PROS1: variants seen among roughly 807,000 people sequenced by gnomAD.
PROS1 encodes the protein protein S.
A neutral mutation model predicts 75.9 loss-of-function variants in PROS1; 29 were observed. The ratio of observed to expected loss-of-function variants is 0.38; its 90% confidence interval spans 0.28 to 0.52. PROS1 has a LOEUF of 0.52. PROS1 is among the 20% of genes least tolerant of loss of function. The probability of loss-of-function intolerance (pLI) is 0.83; values close to 1 mark genes in which losing one functional copy is unlikely to be tolerated. For synonymous variants in PROS1, 245 were observed against 280.6 expected (o/e 0.87, Z 1.27); for missense variants, 680 against 810.3 (o/e 0.84, Z 1.95).
intron 9 of PROS1, among the ~76,000 whole-genome samples, chr3:93,894,785 C>A (rs536669952): frequency 1.3e-5 from 2 of 152,188 alleles, no homozygotes; most frequent in Admixed American, 6.5e-5. Context: ...GTTGATCACA[C>A]AAGGGGCAGT....
intron 1 of PROS1, among the ~76,000 whole-genome samples, chr3:93,957,414 T>C (rs1311399519): frequency 1.3e-5 from 2 of 152,228 alleles, no homozygotes; most frequent in African/African-American, 4.8e-5. Context: ...AACATGGCTT[T>C]CTTGAATAGT....
chr3:93,960,835 A>G (rs913867105), intron 1 of PROS1, among the ~76,000 whole-genome samples: 2 of 151,806 alleles, frequency 1.3e-5, no homozygotes, highest in Non-Finnish European at 2.9e-5. Context: ...CTTTGTTAAT[A>G]ATAAAAATCA....
chr3:93,963,525 C>T (rs1439828061), intron 1 of PROS1, among the ~76,000 whole-genome samples: 1 of 152,114 alleles, frequency 6.6e-6, no homozygotes, highest in African/African-American at 2.4e-5. Context: ...CAAAGGAATA[C>T]TTGAGGGTGG....
intron 2 of PROS1, among the ~76,000 whole-genome samples, chr3:93,926,365 C>T (rs751238253): frequency 3.3e-5 from 5 of 152,192 alleles, no homozygotes; most frequent in African/African-American, 4.8e-5. Flanking sequence ...GGCGCAGTGG[C>T]TCATGCCTGT....
At chr3:93,875,125 T>C (rs950683595) in intron 14 of PROS1, among the ~76,000 whole-genome samples, 6 of 152,136 alleles carry the variant, frequency 3.9e-5, no homozygotes, top group Non-Finnish European at 8.8e-5. Context: ...TACTTTACTA[T>C]GACTGTGAGC....
Position 93,886,476 on chromosome 3 carries a change from T to C in PROS1, c.1183A>G (p.Ile395Val), listed in dbSNP as rs368987511. ...GCTTCTTTAGCTATTTTAATGCTAA[T>C]ACTATGTTCTAATTCTTCCACAGAC... ...MVSVEELEHS[I>V]SIKIAKEAVM... The change falls in exon 11 of 15, where the codon ATT becomes GTT. Residue 395 changes from isoleucine (I) to valine (V), a missense_variant. Coordinates refer to ENST00000394236, the MANE Select transcript of PROS1 (RefSeq NM_000313.4). The C allele has an allele frequency of 6.8e-5, 110 of 1,610,278 alleles. No homozygotes were observed. The highest frequency in any genetic ancestry group is 8.7e-5 in the Non-Finnish European group (102 of 1,176,686).
chr3:93,925,710 G>A (rs1198808491), intron 2 of PROS1, among the ~76,000 whole-genome samples: 1 of 151,140 alleles, frequency 6.6e-6, no homozygotes, highest in Non-Finnish European at 1.5e-5. Flanking sequence ...TGTAGTCTCA[G>A]CGACACAGGA....
intron 4 of PROS1, among the ~76,000 whole-genome samples, chr3:93,909,828 G>A (rs1307566845): frequency 1.3e-5 from 2 of 151,858 alleles, no homozygotes; most frequent in African/African-American, 4.8e-5. Context: ...TTTTTGAAAT[G>A]TGGCAATACA....
At chr3:93,889,682 A>C (rs1708402176) in intron 10 of PROS1, among the ~76,000 whole-genome samples, 1 of 152,214 alleles carries the variant, frequency 6.6e-6, no homozygotes, top group African/African-American at 2.4e-5. Flanking sequence ...TAAATTGTGA[A>C]GATTTCATGG....
chr3:93,927,534 C>G (rs1451457153), intron 1 of PROS1, 127 bp from the exon 2 acceptor site: 1 of 1,144,568 alleles, frequency 8.7e-7, no homozygotes, highest in Non-Finnish European at 1.2e-6. Flanking sequence ...TCAGTATGAT[C>G]GAACTAAGAA....
intron 9 of PROS1, among the ~76,000 whole-genome samples, chr3:93,893,937 G>A (rs1239809235): frequency 6.6e-6 from 1 of 152,076 alleles, no homozygotes; most frequent in Non-Finnish European, 1.5e-5. Context: ...TTAGGATGCA[G>A]GACTTAAAAT....
intron 1 of PROS1, among the ~76,000 whole-genome samples, chr3:93,940,907 T>C (rs1427106584): frequency 6.6e-6 from 1 of 152,182 alleles, no homozygotes; most frequent in Non-Finnish European, 1.5e-5. Context: ...ATCTGCGCCT[T>C]ATCAACCAAA....
Position 93,921,691 on chromosome 3 carries a change from G to A in PROS1, c.259+2549C>T, listed in dbSNP as rs185374413. ...AATATAGCTGTTTGTAATATTTTAT[G>A]ATAATATTTTTAATCTGTGTTGAGT... On this transcript the variant is annotated intron_variant, in intron 3 of 14. Coordinates refer to ENST00000394236, the MANE Select transcript of PROS1 (RefSeq NM_000313.4). 3.1e-3 allele frequency among the ~76,000 whole-genome samples: 470 copies of A among 152,170 alleles called. 3 individuals are homozygous for A. The highest frequency in any genetic ancestry group is 5.5e-3 in the Non-Finnish European group (375 of 68,002).
chr3:93,880,825 T>G lies in PROS1; in HGVS notation c.1493-1511A>C, dbSNP rs1261290661. ...TTAATTACTTATTAAAGTAATTTTT[T>G]TAGATACAATATAACTCTTATTTTC... On this transcript the variant is annotated intron_variant, in intron 12 of 14. Transcript: ENST00000394236. 2.0e-5 allele frequency among the ~76,000 whole-genome samples: 3 copies of G among 152,344 alleles called. No homozygotes were observed. In the East Asian group the frequency reaches 5.8e-4, roughly 29 times the overall value.
At chr3:93,887,328 A>G (rs1306505290) in intron 10 of PROS1, among the ~76,000 whole-genome samples, 1 of 152,200 alleles carries the variant, frequency 6.6e-6, no homozygotes, top group Non-Finnish European at 1.5e-5. Flanking sequence ...ATAAGAAAAA[A>G]ATACATAAAA....
chr3:93,889,163 C>A (rs1350621439), intron 10 of PROS1, among the ~76,000 whole-genome samples: 1 of 152,180 alleles, frequency 6.6e-6, no homozygotes, highest in Non-Finnish European at 1.5e-5. Context: ...TTTCCTGATT[C>A]TATATGCATA....
rs373359406 is a variant in PROS1, at chr3:93,900,796, C to G, written c.727+8G>C. 1.5e-4 allele frequency: 242 copies of G among 1,612,228 alleles called. No individual in the cohort carries two copies. Among genetic ancestry groups the G allele is most frequent in the Non-Finnish European group, 2.0e-4 (238 of 1,179,830 alleles). ...CCACCATCAGTAATGATACCACCAT[C>G]ATCCTACCTTCACAAGACTTTGATT... On this transcript the variant is annotated splice_region_variant and intron_variant, in intron 7 of 14. Coordinates refer to ENST00000394236, the MANE Select transcript of PROS1 (RefSeq NM_000313.4).
chr3:93,875,305 T>C (rs1167239356), intron 14 of PROS1, among the ~76,000 whole-genome samples: 1 of 152,118 alleles, frequency 6.6e-6, no homozygotes, highest in Non-Finnish European at 1.5e-5. Context: ...GAATTTTACA[T>C]GCCTACTTTG....
chr3:93,970,635 G>A (rs1452222083), intron 1 of PROS1, among the ~76,000 whole-genome samples: 1 of 152,000 alleles, frequency 6.6e-6, no homozygotes, highest in East Asian at 1.9e-4. Context: ...GAGCGGCTAT[G>A]ACCGGGTGAC....
Sources: allele counts gnomAD v4.1 joint callset (sites outside exome capture counted in the v4.1 genomes callset), GRCh38; gene constraint gnomAD v4.1.1; transcripts MANE v1.5; gene names NCBI Gene and HGNC (gene_info 2026-07-23, HGNC 2026-07-21).